Variants in CLCN7 observed in about 807,000 individuals in gnomAD.
CLCN7 encodes Cl-/H+ antiporter 7, also known as H(+)/Cl(-) exchange transporter 7.
A neutral mutation model predicts 102.1 loss-of-function variants in CLCN7; 60 were observed. That is an observed-to-expected ratio of 0.59 (90% CI 0.48 to 0.73). CLCN7 has a LOEUF of 0.73. Among genes scored for constraint, CLCN7 ranks in the 30% least tolerant of loss-of-function variants. CLCN7 has a pLI of 0.00. For missense variants in CLCN7, 962 were observed against 1,125.7 expected (o/e 0.85, Z 2.08); for synonymous variants, 560 against 490.5 (o/e 1.14, Z -1.87).
chr16:1,464,541 C>T (rs1360616367), intron 2 of CLCN7, among the ~76,000 whole-genome samples: 1 of 152,276 alleles, frequency 6.6e-6, no homozygotes, highest in Non-Finnish European at 1.5e-5. Context: ...GAGCACGGCG[C>T]CGGCCTCGGG....
At position 1,445,494 on chromosome 16, in the gene CLCN7, C is replaced by T. The variant is rs962573919; in HGVS notation, c.*1137G>A. The T allele has an allele frequency of 5.9e-5, 9 of 152,072 alleles. No individual in the cohort carries two copies. Among genetic ancestry groups the T allele is most frequent in the East Asian group, 1.9e-4 (1 of 5,186 alleles). 9.4% of individuals were successfully genotyped at this position (152,072 alleles called of 1,614,324 possible). ...GCAGGGGGCCGCACCCAGCCCCCCA[C>T]GGAGGGACCCGTGTTGCTCTAACAG... On this transcript the variant is annotated 3_prime_UTR_variant, in exon 25 of 25. Coordinates refer to ENST00000382745, the MANE Select transcript of CLCN7 (RefSeq NM_001287.6).
chr16:1,449,281 T>C lies in CLCN7; in HGVS notation c.1664A>G (p.Gln555Arg). The C allele has an allele frequency of 6.3e-7, 1 of 1,586,054 alleles. No individual in the cohort carries two copies. The highest frequency in any genetic ancestry group is 8.6e-7 in the Non-Finnish European group (1 of 1,166,602). ...GGGCAAGAGCTGGGACATACCCAGCTGGGCAGCAGCTCCCATCAGGGCGTA... is the reference window on the plus strand; with the variant it reads ...GGGCAAGAGCTGGGACATACCCAGCCGGGCAGCAGCTCCCATCAGGGCGTA... Reference protein sequence around the residue: ...GKYALMGAAAQLGGIVRMTLS... With the variant: ...GKYALMGAAARLGGIVRMTLS... The change falls in exon 18 of 25, where the codon CAG (glutamine) becomes CGG (arginine). Residue 555 changes from glutamine (Q) to arginine (R), a missense_variant. Gln to Arg is a conservative substitution (Grantham distance 43). Around this residue, in one of 2 missense-constraint regions of CLCN7, gnomAD observed 799 missense variants for 988.0 expected, o/e 0.81. Coordinates refer to ENST00000382745, the MANE Select transcript of CLCN7 (RefSeq NM_001287.6).
At position 1,457,670 on chromosome 16, in the gene CLCN7, G is replaced by C. The variant is rs764449756; in HGVS notation, c.738+24C>G. On this transcript the variant is annotated intron_variant, in intron 8 of 24. Coordinates refer to ENST00000382745, the MANE Select transcript of CLCN7 (RefSeq NM_001287.6). This position sits in a 1 kb window ranked among gnomAD's most constrained non-coding sequence, Gnocchi z 5.4. ...GCCCGGCGGCCTCAGGCTCCAGCTG[G>C]AGTGGCCATGTGCACTTTGTTACCT... is the stretch of plus-strand genomic sequence containing the variant. 6.2e-7 allele frequency: 1 copy of C among 1,612,322 alleles called. No individual in the cohort carries two copies. The highest frequency in any genetic ancestry group is 1.3e-5 in the African/African-American group (1 of 75,054).
At chr16:1,450,359 G>A (rs1279137984) in intron 17 of CLCN7, 138 bp downstream of exon 17, 12 of 895,922 alleles carry the variant, frequency 1.3e-5, no homozygotes, top group Admixed American at 4.1e-5. Flanking sequence ...TGAACCACGC[G>A]AGGACAACGC....
chr16:1,458,662 G>A (rs2038877255), intron 7 of CLCN7, among the ~76,000 whole-genome samples: 1 of 152,198 alleles, frequency 6.6e-6, no homozygotes. Flanking sequence ...ACAGACAGAA[G>A]CAACCACAGC....
rs116185922 is a variant in CLCN7 at position 1,449,836 on chromosome 16, C to T, written c.1618-509G>A. 431 of 201,714 alleles carry T rather than the reference C, an allele frequency of 2.1e-3. 2 individuals are homozygous for T. Among genetic ancestry groups the T allele is most frequent in the African/African-American group, 9.4e-3 (405 of 42,930 alleles). 12.5% of individuals were successfully genotyped at this position (201,714 alleles called of 1,614,324 possible). ...CGCCGCTGAACTGCCCTCTTTAAAA[C>T]GATGAGTTTTACGGTATTTGAATCA... On this transcript the variant is annotated intron_variant, in intron 17 of 24. Coordinates refer to ENST00000382745, the MANE Select transcript of CLCN7 (RefSeq NM_001287.6).
chr16:1,447,572 C>A lies in CLCN7; in HGVS notation c.2074-4G>T, dbSNP rs750591511. 1.9e-6 allele frequency: 3 copies of A among 1,554,302 alleles called. No homozygotes were observed. The highest frequency in any genetic ancestry group is 1.9e-5 in the Admixed American group (1 of 51,596). On this transcript the variant is annotated splice_polypyrimidine_tract_variant and splice_region_variant and intron_variant, in intron 22 of 24. Transcript: ENST00000382745. ...GGTTGGACCGCTCCACAAACACCTG[C>A]GGGCGGCAGAGCCCTGTGTCAGGCA...
At chr16:1,456,297 G>A in intron 9 of CLCN7, 91 bp from the exon 10 acceptor site, 2 of 947,820 alleles carry the variant, frequency 2.1e-6, no homozygotes, top group Admixed American at 4.0e-5. Context: ...GGGCTGTGCA[G>A]GGGAAGGGGC....
At chr16:1,461,057 G>T in intron 4 of CLCN7, 109 bp from the exon 5 acceptor site, 1 of 1,377,268 alleles carries the variant, frequency 7.3e-7, no homozygotes, top group South Asian at 1.3e-5. Context: ...GAAGGGCCCA[G>T]TGTGCACGGT....
In CLCN7 at chr16:1,457,630, T is replaced by C. The variant is rs1426487074; in HGVS notation, c.738+64A>G. On this transcript the variant is annotated intron_variant, in intron 8 of 24. Transcript: ENST00000382745. This position sits in a 1 kb window ranked among gnomAD's most constrained non-coding sequence, Gnocchi z 5.4. Reference sequence around the variant, plus strand: ...CGGTGCTCAGAGACACACATGGGCGTGGCGGCCCTCGCGGGCCCGGCGGCC... The same window carrying C: ...CGGTGCTCAGAGACACACATGGGCGCGGCGGCCCTCGCGGGCCCGGCGGCC... 2.0e-6 allele frequency: 3 copies of C among 1,533,678 alleles called. No individual in the cohort carries two copies. The highest frequency in any genetic ancestry group is 2.7e-6 in the Non-Finnish European group (3 of 1,110,956).
At chr16:1,456,074 G>T in intron 10 of CLCN7, 39 bp downstream of exon 10, 1 of 1,468,202 alleles carries the variant, frequency 6.8e-7, no homozygotes, top group Non-Finnish European at 9.3e-7. Flanking sequence ...AACACACAGG[G>T]CGAGGGCAAA....
At chr16:1,462,674 A>AC (rs1555466080) in intron 2 of CLCN7, among the ~76,000 whole-genome samples, 49,311 of 144,444 alleles carry the variant, frequency 0.34, 9,230 homozygotes, top group South Asian at 0.42. Flanking sequence ...CCAAAAAAAA[A>AC]AAAAAAAAAA....
At chr16:1,474,069 A>G (rs1280026865) in intron 1 of CLCN7, 1 of 439,028 alleles carries the variant, frequency 2.3e-6, no homozygotes, top group Non-Finnish European at 4.5e-6. Flanking sequence ...GGGCAACTAC[A>G]GTGAAACTCC....
At chr16:1,451,556 A>G (rs2038751156) in intron 16 of CLCN7, 67 bp downstream of exon 16, 1 of 1,385,276 alleles carries the variant, frequency 7.2e-7, no homozygotes, top group Non-Finnish European at 1.0e-6. Flanking sequence ...CACAGGGGAC[A>G]CTCAGCCAGA....
Position 1,445,005 on chromosome 16 carries a change from C to G in CLCN7, c.*1626G>C, listed in dbSNP as rs8767. ...TGATCACTTCCAGGTCCTCAGTACACAACCACCACGAGGGAAACCCAGACC... is the reference window on the plus strand; with the variant it reads ...TGATCACTTCCAGGTCCTCAGTACAGAACCACCACGAGGGAAACCCAGACC... On this transcript the variant is annotated 3_prime_UTR_variant, in exon 25 of 25. Coordinates refer to ENST00000382745, the MANE Select transcript of CLCN7 (RefSeq NM_001287.6). 92,676 of 152,226 alleles carry G rather than the reference C, an allele frequency of 0.61. 28,717 individuals are homozygous for G. The highest frequency in any genetic ancestry group is 0.81 in the East Asian group (4,212 of 5,178). The allele number at this position is 152,226 out of a possible 1,614,324, so 9.4% of individuals were successfully genotyped here. A position where few individuals can be genotyped will look rare whatever the true frequency, so the allele number is the denominator to read the frequency against.
Position 1,460,421 on chromosome 16 carries a change from TA to T in CLCN7, c.590del (p.Ile197LysfsTer20). 1.9e-6 allele frequency: 3 copies of T among 1,612,202 alleles called. No individual in the cohort carries two copies. Among genetic ancestry groups the T allele is most frequent in the Non-Finnish European group, 2.5e-6 (3 of 1,178,692 alleles). ...VLVGSVIVAF[I>X]EPVAAGSGIP... ...GCTGCGGCATCCTGCCACCCACCTCTATGAAAGCCACAATCACAGAGCCCAC... is the reference window on the plus strand; with the variant it reads ...GCTGCGGCATCCTGCCACCCACCTCTTGAAAGCCACAATCACAGAGCCCAC... On this transcript the variant is annotated frameshift_variant, in exon 6 of 25. Coordinates refer to ENST00000382745, the MANE Select transcript of CLCN7 (RefSeq NM_001287.6). LOFTEE classifies it high-confidence loss of function.
At chr16:1,453,386 C>T (rs571519534) in intron 14 of CLCN7, among the ~76,000 whole-genome samples, 34 of 152,274 alleles carry the variant, frequency 2.2e-4, no homozygotes, top group African/African-American at 7.2e-4. Flanking sequence ...AAAGACTCCT[C>T]GGCAGCAACT....
chr16:1,447,789 G>A (rs1021430175), intron 21 of CLCN7, 75 bp from the exon 22 acceptor site: 66 of 1,467,242 alleles, frequency 4.5e-5, no homozygotes, highest in East Asian at 1.7e-4. Flanking sequence ...GTCGGGCCCC[G>A]CTCTGACCCT....
rs1363337053 is a variant in CLCN7 at position 1,446,170 on chromosome 16, C to T, written c.*461G>A. 1.7e-6 allele frequency: 1 copy of T among 605,592 alleles called. No homozygotes were observed. The highest frequency in any genetic ancestry group is 2.9e-6 in the Non-Finnish European group (1 of 341,366). 37.5% of individuals were successfully genotyped at this position (605,592 alleles called of 1,614,324 possible). A position where few individuals can be genotyped will look rare whatever the true frequency, so the allele number is the denominator to read the frequency against. ...GTCTGCTCATGGCTGAAAATGAGGC[C>T]AAGCAGCTCCCAAGTCTCGAAGACT... On this transcript the variant is annotated 3_prime_UTR_variant, in exon 25 of 25. Coordinates refer to ENST00000382745, the MANE Select transcript of CLCN7 (RefSeq NM_001287.6).
Sources: gnomAD v4.1 joint callset for allele counts (sites outside exome capture counted in the v4.1 genomes callset) on GRCh38, gnomAD v4.1.1 for gene constraint, gnomAD v4.1.1 regional missense constraint, Gnocchi (gnomAD v3.1) non-coding constraint, MANE v1.5 for transcripts, NCBI Gene and HGNC (gene_info 2026-07-23, HGNC 2026-07-21) for gene names.